ACO1: variants seen among roughly 807,000 people sequenced by gnomAD.
ACO1 encodes cytoplasmic aconitate hydratase.
ACO1 carries 78 observed loss-of-function variants against 105.1 expected under a neutral mutation model. That is an observed-to-expected ratio of 0.74 (90% CI 0.62 to 0.90). The LOEUF is 0.90. Among genes scored for constraint, ACO1 ranks in the 40% least tolerant of loss-of-function variants. The pLI, the probability that ACO1 is intolerant of heterozygous loss-of-function variation, is 0.00. For missense variants in ACO1, 965 were observed against 1,111.1 expected (o/e 0.87, Z 1.87); for synonymous variants, 364 against 397.4 (o/e 0.92, Z 1.00).
In ACO1 at chr9:32,425,856, C is replaced by A; in HGVS notation, c.1207C>A (p.Gln403Lys). ...LGAKQGFKGF[Q>K]VAPEHHNDHK... is the part of the protein sequence containing the mutation. Reference sequence around the variant, plus strand: ...CCTTTAGCAAGGATTTAAAGGATTCCAAGTTGCTCCTGAACATCATAATGA... The same window carrying A: ...CCTTTAGCAAGGATTTAAAGGATTCAAAGTTGCTCCTGAACATCATAATGA... Residue 403 changes from glutamine (Q) to lysine (K), a missense_variant, in exon 11 of 21, where the codon CAA becomes AAA. By Grantham distance (53) the Gln-to-Lys change is moderately conservative. Coordinates refer to ENST00000309951, the MANE Select transcript of ACO1 (RefSeq NM_002197.3). The A allele has an allele frequency of 1.2e-6, 2 of 1,612,308 alleles. No homozygotes were observed. Among genetic ancestry groups the A allele is most frequent in the Non-Finnish European group, 1.7e-6 (2 of 1,178,868 alleles).
intron 1 of ACO1, among the ~76,000 whole-genome samples, chr9:32,391,103 AC>A (rs1209089353): frequency 6.6e-6 from 1 of 152,262 alleles, no homozygotes; most frequent in East Asian, 1.9e-4. Context: ...ATGGTAGCTC[AC>A]GGGGATATAG....
At chr9:32,448,873 A>G in intron 19 of ACO1, 23 bp from the exon 20 acceptor site, 1 of 1,613,956 alleles carries the variant, frequency 6.2e-7, no homozygotes, top group Middle Eastern at 1.7e-4. Context: ...AAGTATGTCT[A>G]AACTACTGTC....
Position 32,392,181 on chromosome 9 carries a change from G to A in ACO1, c.-23+7446G>A, listed in dbSNP as rs77192006. On this transcript the variant is annotated intron_variant, in intron 1 of 20. Transcript: ENST00000309951. Reference sequence around the variant, plus strand: ...CATTTGGTTTTTTGGATCTTAATATGTTAAATGACTGTAAAATGATATCAC... The same window carrying A: ...CATTTGGTTTTTTGGATCTTAATATATTAAATGACTGTAAAATGATATCAC... Among the ~76,000 whole-genome samples, 2,970 of 152,150 alleles carry A rather than the reference G, an allele frequency of 0.02. 184 individuals are homozygous for A. In the East Asian group the frequency reaches 0.24, roughly 12 times the overall value.
chr9:32,434,565 G>A lies in ACO1; in HGVS notation c.1963G>A (p.Asp655Asn). ...SPPFFENLTL[D>N]LQPPKSIVDA... ...TTTTTGTATTCTTTGCTAGACTTTG[G>A]ATCTTCAGCCCCCTAAATCTATAGT... is the stretch of plus-strand genomic sequence containing the variant. The change falls in exon 17 of 21, where the codon GAT (aspartate) becomes AAT (asparagine). Residue 655 changes from aspartate (D) to asparagine (N), a missense_variant. Physicochemically the swap from Asp to Asn is conservative, Grantham distance 23. Coordinates refer to ENST00000309951, the MANE Select transcript of ACO1 (RefSeq NM_002197.3). The A allele has an allele frequency of 6.2e-7, 1 of 1,614,028 alleles. No homozygotes were observed. The highest frequency in any genetic ancestry group is 8.5e-7 in the Non-Finnish European group (1 of 1,179,950).
At chr9:32,409,201 T>C (rs896074334) in intron 4 of ACO1, among the ~76,000 whole-genome samples, 8 of 152,216 alleles carry the variant, frequency 5.3e-5, no homozygotes, top group Non-Finnish European at 8.8e-5. Flanking sequence ...AATCCTTTAC[T>C]TTCCAGCCTA....
chr9:32,410,292 C>T (rs1054682487), intron 4 of ACO1, among the ~76,000 whole-genome samples: 36 of 152,238 alleles, frequency 2.4e-4, no homozygotes, highest in African/African-American at 8.7e-4. Flanking sequence ...GGCGTGGTGG[C>T]TCACGCCTGT....
intron 1 of ACO1, among the ~76,000 whole-genome samples, chr9:32,390,285 A>G (rs1179888514): frequency 6.6e-6 from 1 of 152,220 alleles, no homozygotes; most frequent in Non-Finnish European, 1.5e-5. Context: ...ACTGCTGAGG[A>G]GCCCCTGAAC....
In ACO1 at chr9:32,425,844, T is replaced by G. The variant is rs755158738; in HGVS notation, c.1195T>G (p.Phe399Val). 2.0e-5 allele frequency: 32 copies of G among 1,610,432 alleles called. No individual in the cohort carries two copies. The highest frequency in any genetic ancestry group is 3.4e-6 in the Non-Finnish European group (4 of 1,177,108). The stretch of plus-strand genomic sequence containing the variant: ...ACATTTTTTCTTCCTTTAGCAAGGA[T>G]TTAAAGGATTCCAAGTTGCTCCTGA... ...FESCLGAKQG[F>V]KGFQVAPEHH... is the part of the protein sequence containing the mutation. The change falls in exon 11 of 21, where the codon TTT (phenylalanine) becomes GTT (valine). Residue 399 changes from phenylalanine to valine, a missense_variant. Phe to Val is a conservative substitution (Grantham distance 50, BLOSUM62 -1). Transcript: ENST00000309951.
In ACO1 at chr9:32,419,165, C is replaced by T; in HGVS notation, c.786C>T (p.Leu262=). ...TGGTAACATCCACTGACATCGTGCT[C>T]ACCATTACCAAGGTAACAATGTGCA... The part of the protein sequence containing the change: ...HPLVTSTDIV[L]TITKHLRQVG... The change falls in exon 7 of 21, where the codon CTC becomes CTT. Residue 262 remains leucine, a synonymous_variant. Transcript: ENST00000309951. 1.9e-6 allele frequency: 3 copies of T among 1,588,392 alleles called. No homozygotes were observed. The highest frequency in any genetic ancestry group is 8.6e-7 in the Non-Finnish European group (1 of 1,166,928).
chr9:32,427,233 T>G, intron 11 of ACO1, 68 bp from the exon 12 acceptor site: 1 of 1,586,350 alleles, frequency 6.3e-7, no homozygotes, highest in Non-Finnish European at 8.6e-7. Flanking sequence ...TCAGGCTCTT[T>G]TCTGAAGTGT....
At chr9:32,418,559 A>G in intron 6 of ACO1, 48 bp downstream of exon 6, 1 of 1,541,418 alleles carries the variant, frequency 6.5e-7, no homozygotes, top group East Asian at 2.3e-5. Context: ...ACTTTAATTC[A>G]CTGTGATTCT....
chr9:32,425,740 A>G, intron 10 of ACO1, 98 bp from the exon 11 acceptor site: 1 of 787,976 alleles, frequency 1.3e-6, no homozygotes, highest in South Asian at 2.5e-5. Context: ...TTCTCAAGTG[A>G]GAACTGTTGA....
rs767118948 is a variant in ACO1 at position 32,405,580 on chromosome 9, A to G, written c.74A>G (p.Asn25Ser). ...VQPGKKFFNL[N>S]KLEDSRYGRL... is the part of the protein sequence containing the mutation. ...CCAGGAAAGAAATTCTTCAATTTGA[A>G]TAAATTGGAGGATTCAAGATATGGT... The change falls in exon 2 of 21, where the codon AAT becomes AGT. Residue 25 changes from asparagine to serine, a missense_variant. By Grantham distance (46) the Asn-to-Ser change is conservative. Coordinates refer to ENST00000309951, the MANE Select transcript of ACO1 (RefSeq NM_002197.3). The G allele has an allele frequency of 6.2e-7, 1 of 1,612,614 alleles. No individual in the cohort carries two copies. The highest frequency in any genetic ancestry group is 1.7e-5 in the Admixed American group (1 of 59,906).
At chr9:32,408,841 T>C (rs1821673039) in intron 4 of ACO1, among the ~76,000 whole-genome samples, 190 bp downstream of exon 4, 2 of 152,260 alleles carry the variant, frequency 1.3e-5, no homozygotes, top group South Asian at 4.1e-4. Context: ...TTTCTTTTAA[T>C]CTTTTTTTAT....
intron 1 of ACO1, among the ~76,000 whole-genome samples, chr9:32,400,343 G>A (rs1360809106): frequency 6.7e-6 from 1 of 148,822 alleles, no homozygotes. Flanking sequence ...AACAAATTTG[G>A]TATCCTGCTG....
rs1822079300 is a variant in ACO1, at chr9:32,425,840, A to G, written c.1191A>G (p.Gln397=). The G allele has an allele frequency of 1.9e-6, 3 of 1,607,744 alleles. No homozygotes were observed. The African/African-American group carries it at 4.0e-5, about 21-fold the overall frequency. The change falls in exon 11 of 21, where the codon CAA becomes CAG. Residue 397 remains glutamine, a splice_region_variant and synonymous_variant. Coordinates refer to ENST00000309951, the MANE Select transcript of ACO1 (RefSeq NM_002197.3). ...ATATACATTTTTTCTTCCTTTAGCA[A>G]GGATTTAAAGGATTCCAAGTTGCTC... The part of the protein sequence containing the change: ...KDFESCLGAK[Q]GFKGFQVAPE...
chr9:32,404,990 G>T (rs1821576448), intron 1 of ACO1, among the ~76,000 whole-genome samples: 1 of 152,224 alleles, frequency 6.6e-6, no homozygotes, highest in South Asian at 2.1e-4. Context: ...AGTAGCCTTT[G>T]CTGCCCATTC....
intron 7 of ACO1, among the ~76,000 whole-genome samples, chr9:32,420,039 G>C (rs936458100): frequency 8.9e-6 from 1 of 112,328 alleles, no homozygotes; most frequent in African/African-American, 2.6e-5. Flanking sequence ...TATCACAAAT[G>C]TCTGTGCACT....
At chr9:32,448,816 C>G in intron 19 of ACO1, 80 bp from the exon 20 acceptor site, 3 of 1,505,988 alleles carry the variant, frequency 2.0e-6, no homozygotes, top group South Asian at 2.3e-5. Context: ...CATGCCAGCT[C>G]TCTCACAAAG....
Sources: allele counts gnomAD v4.1 joint callset (sites outside exome capture counted in the v4.1 genomes callset), GRCh38; gene constraint gnomAD v4.1.1; transcripts MANE v1.5; gene names NCBI Gene and HGNC (gene_info 2026-07-23, HGNC 2026-07-21).